Variants in PYROXD1 observed in about 807,000 individuals in gnomAD.
PYROXD1 encodes the protein tRNA ligase complex-associated NAD(P)H dehydrogenase PYROXD1.
Under a neutral mutation model 62.0 loss-of-function variants are expected in PYROXD1, and 42 were observed. The observed-to-expected ratio is 0.68, with a 90% CI of 0.53 to 0.88. PYROXD1 has a LOEUF of 0.88. Ranked by LOEUF, PYROXD1 falls within the 40% of genes least tolerant of loss-of-function variation. The pLI is 0.00. For synonymous variants in PYROXD1, 170 were observed against 206.4 expected (o/e 0.82, Z 1.51); for missense variants, 493 against 604.8 (o/e 0.82, Z 1.94).
chr12:21,437,961 G>A, intron 1 of PYROXD1, 147 bp downstream of exon 1: 1 of 722,230 alleles, frequency 1.4e-6, no homozygotes, highest in Non-Finnish European at 2.2e-6. Context: ...CCAGATTTTA[G>A]AAACTGCTTG....
In PYROXD1 at chr12:21,468,518, G is replaced by A; in HGVS notation, c.1267G>A (p.Gly423Arg). ...KFFNYKVVLL[G>R]KYNAQGLGSD... Reference sequence around the variant, plus strand: ...TCTCTAAATATAGGTTGTACTGCTGGGAAAATACAATGCACAGGGCTTAGG... The same window carrying A: ...TCTCTAAATATAGGTTGTACTGCTGAGAAAATACAATGCACAGGGCTTAGG... The change falls in exon 12 of 12, where the codon GGA becomes AGA. Residue 423 changes from glycine to arginine, a missense_variant. Physicochemically the swap from Gly to Arg is moderately radical, Grantham distance 125. Coordinates refer to ENST00000240651, the MANE Select transcript of PYROXD1 (RefSeq NM_024854.5). The A allele has an allele frequency of 1.9e-6, 3 of 1,611,866 alleles. No individual in the cohort carries two copies. The highest frequency in any genetic ancestry group is 2.5e-6 in the Non-Finnish European group (3 of 1,178,552).
intron 2 of PYROXD1, among the ~76,000 whole-genome samples, 168 bp downstream of exon 2, chr12:21,440,616 T>A (rs1055806868): frequency 1.3e-5 from 2 of 152,072 alleles, no homozygotes; most frequent in African/African-American, 4.8e-5. Flanking sequence ...AATGGCTAAG[T>A]CAAGCTATTT....
intron 2 of PYROXD1, among the ~76,000 whole-genome samples, chr12:21,440,965 G>A (rs1324125414): frequency 2.0e-5 from 3 of 152,108 alleles, no homozygotes; most frequent in Non-Finnish European, 4.4e-5. Context: ...CACATTTACC[G>A]ATTTGCATAT....
In PYROXD1 at chr12:21,445,445, G is replaced by A. The variant is rs1344609924; in HGVS notation, c.264G>A (p.Lys88=). 3.1e-6 allele frequency: 5 copies of A among 1,603,568 alleles called. No homozygotes were observed. Among genetic ancestry groups the A allele is most frequent in the Non-Finnish European group, 4.2e-6 (5 of 1,177,052 alleles). Residue 88 remains lysine, a synonymous_variant, in exon 3 of 12, where the codon AAG becomes AAA. Transcript: ENST00000240651. ...PNIKVIESGV[K]QLKSEEHCIV... ...TTAAGGTTATAGAATCTGGCGTAAA[G>A]CAACTGAAGAGTGAAGAACACGTAA...
Position 21,437,745 on chromosome 12 carries a change from C to G in PYROXD1, c.15C>G (p.Arg5=). 6.2e-7 allele frequency: 1 copy of G among 1,612,602 alleles called. No homozygotes were observed. Among genetic ancestry groups the G allele is most frequent in the Non-Finnish European group, 8.5e-7 (1 of 1,179,568 alleles). ...AGTCCGGCAGCATGGAGGCAGCGCG[C>G]CCTCCCCCGACGGCAGGGAAGTTCG... MEAA[R]PPPTAGKFVV... is the part of the protein sequence containing the mutation. Residue 5 remains arginine (R), a synonymous_variant, in exon 1 of 12, where the codon CGC becomes CGG. Transcript: ENST00000240651.
chr12:21,460,631 C>T (rs1447514287), intron 7 of PYROXD1, among the ~76,000 whole-genome samples: 1 of 152,082 alleles, frequency 6.6e-6, no homozygotes, highest in Non-Finnish European at 1.5e-5. Context: ...CCATATAGGC[C>T]AGGCTAGTCT....
Position 21,468,986 on chromosome 12 carries a change from TA to T in PYROXD1, c.*234del. ...ACACTGACCGCTTAGATAAAAATCT[TA>T]AGTTATTTATTTCTGTGTTTTAAAC... On this transcript the variant is annotated 3_prime_UTR_variant, in exon 12 of 12. Coordinates refer to ENST00000240651, the MANE Select transcript of PYROXD1 (RefSeq NM_024854.5). The T allele has an allele frequency of 2.7e-6, 1 of 377,126 alleles. No homozygotes were observed. The highest frequency in any genetic ancestry group is 3.2e-5 in the South Asian group (1 of 30,982). The allele number at this position is 377,126 out of a possible 1,614,324, so 23.4% of individuals were successfully genotyped here.
chr12:21,459,485 G>A (rs542681712), intron 7 of PYROXD1, among the ~76,000 whole-genome samples: 1 of 152,310 alleles, frequency 6.6e-6, no homozygotes, highest in East Asian at 1.9e-4. Context: ...CCCAAATTCT[G>A]TGAGATATTC....
At chr12:21,443,694 C>T (rs925270341) in intron 2 of PYROXD1, among the ~76,000 whole-genome samples, 11 of 152,150 alleles carry the variant, frequency 7.2e-5, no homozygotes, top group African/African-American at 2.7e-4. Context: ...TCCCACCCTT[C>T]AGTGAAGACT....
At chr12:21,468,366 G>C in intron 11 of PYROXD1, 140 bp from the exon 12 acceptor site, 2 of 707,256 alleles carry the variant, frequency 2.8e-6, no homozygotes, top group South Asian at 2.0e-5. Flanking sequence ...TTTTCTTTGG[G>C]ACTCTCCCCA....
intron 4 of PYROXD1, 84 bp downstream of exon 4, chr12:21,449,775 A>C (rs768251614): frequency 8.0e-7 from 1 of 1,244,324 alleles, no homozygotes; most frequent in African/African-American, 1.5e-5. Context: ...ACAATTCCTA[A>C]ACTGTAAGGG....
intron 7 of PYROXD1, among the ~76,000 whole-genome samples, chr12:21,459,641 T>G (rs1234755018): frequency 1.3e-5 from 2 of 152,178 alleles, no homozygotes; most frequent in Non-Finnish European, 2.9e-5. Flanking sequence ...CCTCAACATG[T>G]GGGACCTGAT....
At position 21,452,127 on chromosome 12, in the gene PYROXD1, G is replaced by C; in HGVS notation, c.461G>C (p.Gly154Ala). ...AAAGCTAAAAGAATAATGATCATAGGGAACGGTGGTATTGCACTTGAGTTA... is the reference window on the plus strand; with the variant it reads ...AAAGCTAAAAGAATAATGATCATAGCGAACGGTGGTATTGCACTTGAGTTA... The part of the protein sequence containing the change: ...LTKAKRIMII[G>A]NGGIALELVY... Residue 154 changes from glycine to alanine, a missense_variant, in exon 5 of 12, where the codon GGG (glycine) becomes GCG (alanine). Physicochemically the swap from Gly to Ala is moderately conservative, Grantham distance 60. This residue lies in a region of PYROXD1 where 329 missense variants were observed against 446.6 expected (regional missense o/e 0.74). Coordinates refer to ENST00000240651, the MANE Select transcript of PYROXD1 (RefSeq NM_024854.5). 1 of 1,583,946 alleles carries C rather than the reference G, an allele frequency of 6.3e-7. No homozygotes were observed. Among genetic ancestry groups the C allele is most frequent in the Non-Finnish European group, 8.6e-7 (1 of 1,164,668 alleles).
intron 2 of PYROXD1, among the ~76,000 whole-genome samples, chr12:21,441,480 C>A (rs906221926): frequency 6.6e-6 from 1 of 152,022 alleles, no homozygotes; most frequent in Non-Finnish European, 1.5e-5. Flanking sequence ...TCTTCTTCTT[C>A]CCTTCTGACT....
rs189275364 is a variant in PYROXD1, at chr12:21,470,002, A to G, written c.*1248A>G. On this transcript the variant is annotated 3_prime_UTR_variant, in exon 12 of 12. Coordinates refer to ENST00000240651, the MANE Select transcript of PYROXD1 (RefSeq NM_024854.5). ...TTTTTCCCTTGTTTTATACTGGAAA[A>G]TTATATAATTCATGATCTCTAATTT... 661 of 711,578 alleles carry G rather than the reference A, an allele frequency of 9.3e-4. 4 individuals carry two copies. Among genetic ancestry groups the G allele is most frequent in the East Asian group, 2.8e-4 (8 of 28,454 alleles). The allele number at this position is 711,578 out of a possible 1,614,324, so 44.1% of individuals were successfully genotyped here.
intron 3 of PYROXD1, 85 bp from the exon 4 acceptor site, chr12:21,449,478 C>T: frequency 1.1e-5 from 15 of 1,357,506 alleles, no homozygotes; most frequent in East Asian, 7.4e-5. Flanking sequence ...TTGCTTTTGC[C>T]TTATTGAATT....
intron 1 of PYROXD1, among the ~76,000 whole-genome samples, chr12:21,439,982 T>C (rs1004987305): frequency 2.6e-5 from 4 of 152,170 alleles, no homozygotes; most frequent in Non-Finnish European, 4.4e-5. Context: ...TGAAGACAAA[T>C]GAAATATTAT....
intron 3 of PYROXD1, among the ~76,000 whole-genome samples, chr12:21,446,014 A>T (rs186593018): frequency 1.3e-5 from 2 of 152,314 alleles, no homozygotes; most frequent in Admixed American, 1.3e-4. Flanking sequence ...AGGAAAAGAA[A>T]TATGAAGAAT....
chr12:21,457,045 T>C, intron 7 of PYROXD1: 1 of 314,434 alleles, frequency 3.2e-6, no homozygotes, highest in Non-Finnish European at 6.2e-6. Flanking sequence ...ATATCTGCCT[T>C]TCTCCATTGA....
Sources: gnomAD v4.1 joint callset for allele counts (sites outside exome capture counted in the v4.1 genomes callset) on GRCh38, gnomAD v4.1.1 for gene constraint, gnomAD v4.1.1 regional missense constraint, MANE v1.5 for transcripts, NCBI Gene and HGNC (gene_info 2026-07-23, HGNC 2026-07-21) for gene names.